Variants in NTNG1 observed in about 807,000 individuals in gnomAD.
The protein encoded by NTNG1 is netrin G1.
NTNG1 carries 16 observed loss-of-function variants against 54.0 expected under a neutral mutation model. The observed-to-expected ratio is 0.30, with a 90% CI of 0.20 to 0.45. The LOEUF (loss-of-function observed/expected upper bound fraction) is 0.45, where lower values mean the gene tolerates loss of function less well. NTNG1 is among the 20% of genes least tolerant of loss of function. The probability of loss-of-function intolerance (pLI) is 1.00; values close to 1 mark genes in which losing one functional copy is unlikely to be tolerated. For synonymous variants in NTNG1, 255 were observed against 263.1 expected (o/e 0.97, Z 0.30); for missense variants, 530 against 678.7 (o/e 0.78, Z 2.43).
chr1:107,205,494 A>G (rs1407126937), intron 2 of NTNG1, among the ~76,000 whole-genome samples: 1 of 152,164 alleles, frequency 6.6e-6, no homozygotes, highest in Non-Finnish European at 1.5e-5. Flanking sequence ...AATTTTTATA[A>G]GTATATATTA....
intron 2 of NTNG1, among the ~76,000 whole-genome samples, chr1:107,274,359 A>G (rs1664336741): frequency 6.6e-6 from 1 of 152,246 alleles, no homozygotes; most frequent in Non-Finnish European, 1.5e-5. Context: ...GAGTCAGTAG[A>G]ACTTGAGTTT....
intron 5 of NTNG1, among the ~76,000 whole-genome samples, chr1:107,420,387 A>G (rs191247028): frequency 2.0e-4 from 31 of 152,190 alleles, no homozygotes; most frequent in Non-Finnish European, 3.7e-4. Context: ...GCCATAATTT[A>G]TCTTGTCAGC....
chr1:107,152,721 A>G (rs1248411753), intron 2 of NTNG1, among the ~76,000 whole-genome samples: 1 of 152,144 alleles, frequency 6.6e-6, no homozygotes, highest in Non-Finnish European at 1.5e-5. Flanking sequence ...TGTGCATGTA[A>G]TTTTGGCATA....
At chr1:107,390,290 C>T (rs1672284557) in intron 3 of NTNG1, among the ~76,000 whole-genome samples, 1 of 152,182 alleles carries the variant, frequency 6.6e-6, no homozygotes, top group African/African-American at 2.4e-5. Flanking sequence ...GCCCTTCCTC[C>T]AACTTCAGCT....
intron 2 of NTNG1, among the ~76,000 whole-genome samples, chr1:107,306,673 C>T (rs1183791600): frequency 6.6e-6 from 1 of 151,966 alleles, no homozygotes; most frequent in Admixed American, 6.5e-5. Context: ...ATCGCTTGAA[C>T]CTGGGAGGTG....
At chr1:107,215,568 T>A (rs1020279813) in intron 2 of NTNG1, among the ~76,000 whole-genome samples, 2 of 152,212 alleles carry the variant, frequency 1.3e-5, no homozygotes, top group Non-Finnish European at 1.5e-5. Context: ...GGTAATGTAA[T>A]GCCTCCAGAT....
At chr1:107,387,796 G>T (rs918529662) in intron 3 of NTNG1, among the ~76,000 whole-genome samples, 3 of 152,182 alleles carry the variant, frequency 2.0e-5, no homozygotes, top group African/African-American at 7.2e-5. Flanking sequence ...GTGATAATGA[G>T]GATGAGGTGA....
intron 3 of NTNG1, among the ~76,000 whole-genome samples, chr1:107,380,826 C>T (rs1159997990): frequency 6.6e-6 from 1 of 152,134 alleles, no homozygotes; most frequent in Non-Finnish European, 1.5e-5. Flanking sequence ...AGCTCATAGT[C>T]CTGGTTCCTT....
intron 7 of NTNG1, among the ~76,000 whole-genome samples, chr1:107,472,160 C>T (rs986020195): frequency 2.6e-5 from 4 of 152,036 alleles, no homozygotes; most frequent in East Asian, 1.9e-4. Flanking sequence ...GCTTTTAGTG[C>T]GTATGAGGGA....
intron 3 of NTNG1, among the ~76,000 whole-genome samples, chr1:107,381,096 C>A (rs1557949989): frequency 6.6e-6 from 1 of 152,024 alleles, no homozygotes; most frequent in African/African-American, 2.4e-5. Flanking sequence ...TTGATTATGA[C>A]ATCAGATAGG....
intron 3 of NTNG1, among the ~76,000 whole-genome samples, chr1:107,375,857 T>C (rs911113558): frequency 6.6e-6 from 1 of 152,216 alleles, no homozygotes; most frequent in Admixed American, 6.5e-5. Context: ...TTTTGCTCTT[T>C]TAACTGTTTT....
intron 3 of NTNG1, among the ~76,000 whole-genome samples, chr1:107,367,456 C>G (rs1442604396): frequency 1.3e-5 from 2 of 152,050 alleles, no homozygotes; most frequent in Non-Finnish European, 2.9e-5. Context: ...TAAAAAACTT[C>G]ATTTGTAACT....
intron 3 of NTNG1, among the ~76,000 whole-genome samples, chr1:107,379,939 G>A (rs901538352): frequency 1.4e-4 from 22 of 152,138 alleles, no homozygotes; most frequent in African/African-American, 5.3e-4. Context: ...CCTGGGGTGG[G>A]AAAAAATACT....
chr1:107,266,805 T>A (rs1184321288), intron 2 of NTNG1, among the ~76,000 whole-genome samples: 1 of 151,990 alleles, frequency 6.6e-6, no homozygotes, highest in Non-Finnish European at 1.5e-5. Flanking sequence ...TGTTATTATG[T>A]TAGCATTTCA....
chr1:107,150,643 G>A (rs1654491879), intron 2 of NTNG1, among the ~76,000 whole-genome samples: 1 of 152,136 alleles, frequency 6.6e-6, no homozygotes, highest in Non-Finnish European at 1.5e-5. Context: ...CCTGTGTGAT[G>A]TTTTCAAGGT....
At chr1:107,248,486 A>G (rs1662347207) in intron 2 of NTNG1, among the ~76,000 whole-genome samples, 2 of 152,194 alleles carry the variant, frequency 1.3e-5, no homozygotes, top group African/African-American at 4.8e-5. Flanking sequence ...ACAAGGAGTT[A>G]ATCTTACTAA....
At position 107,484,680 on chromosome 1, in the gene NTNG1, T is replaced by C. The variant is rs1048486054; in HGVS notation, c.*3840T>C. Among the ~76,000 whole-genome samples, 45 of 152,326 alleles carry C rather than the reference T, an allele frequency of 3.0e-4. No homozygotes were observed. The highest frequency in any genetic ancestry group is 3.4e-3 in the Middle Eastern group (1 of 294). On this transcript the variant is annotated 3_prime_UTR_variant, in exon 8 of 8. Coordinates refer to ENST00000370068, the MANE Select transcript of NTNG1 (RefSeq NM_001113226.3). ...CCTTCTCTTGGACCTGTGGTCTGAC[T>C]GGAGTATAAGAAATTTTGGATGCAC... is the stretch of plus-strand genomic sequence containing the variant.
chr1:107,407,511 T>TGC (rs1178559143), intron 4 of NTNG1, among the ~76,000 whole-genome samples, 171 bp from the exon 5 acceptor site: 2 of 151,966 alleles, frequency 1.3e-5, no homozygotes, highest in Non-Finnish European at 2.9e-5. Context: ...TGTGTGTGTG[T>TGC]ATAATGTGTA....
intron 2 of NTNG1, among the ~76,000 whole-genome samples, chr1:107,188,143 A>ATT (rs59022050): frequency 0.052 from 7,823 of 150,712 alleles, 216 homozygotes; most frequent in African/African-American, 0.077. Context: ...GTATCAATTG[A>ATT]TTTTTTTTTT....
Sources: allele counts gnomAD v4.1 joint callset (sites outside exome capture counted in the v4.1 genomes callset), GRCh38; gene constraint gnomAD v4.1.1; transcripts MANE v1.5; gene names NCBI Gene and HGNC (gene_info 2026-07-23, HGNC 2026-07-21).